PDE6C: variants seen among roughly 807,000 people sequenced by gnomAD.
The protein encoded by PDE6C is phosphodiesterase 6C, also known as cone cGMP-specific 3',5'-cyclic phosphodiesterase subunit alpha'.
In PDE6C, 75 loss-of-function variants were observed where a neutral mutation model predicts 113.1. The observed-to-expected ratio is 0.66, with a 90% CI of 0.55 to 0.80. PDE6C has a LOEUF of 0.80. PDE6C is among the 30% of genes least tolerant of loss of function. The pLI, the probability that PDE6C is intolerant of heterozygous loss-of-function variation, is 0.00. For synonymous variants in PDE6C, 375 were observed against 363.7 expected, an observed-to-expected ratio of 1.03 and a Z score of -0.35; for missense variants, 912 against 1,038.6, an observed-to-expected ratio of 0.88 and a Z score of 1.67.
In PDE6C at chr10:93,659,023, T is replaced by C. The variant is rs201956926; in HGVS notation, c.2144+15T>C. ...GAGATTATCATGTAGGTAGTTGAAA[T>C]TGTATTTCTCTCTTGTTTTTTGTAA... On this transcript the variant is annotated intron_variant, in intron 17 of 21. Coordinates refer to ENST00000371447, the MANE Select transcript of PDE6C (RefSeq NM_006204.4). 263 of 1,574,350 alleles carry C rather than the reference T, an allele frequency of 1.7e-4. 3 individuals carry two copies. In the East Asian group the frequency reaches 3.5e-3, roughly 21 times the overall value.
chr10:93,626,752 C>T lies in PDE6C; in HGVS notation c.1004+48C>T, dbSNP rs113419519. The T allele has an allele frequency of 1.7e-3, 2,754 of 1,602,612 alleles. 54 individuals are homozygous for T. In the African/African-American group the frequency reaches 0.033, roughly 19 times the overall value. The stretch of plus-strand genomic sequence containing the variant: ...TGCCGCAGTTGCCGTTGTATTTTTG[C>T]ACATATTGCATTTCTCTATATTGCA... On this transcript the variant is annotated intron_variant, in intron 6 of 21. Coordinates refer to ENST00000371447, the MANE Select transcript of PDE6C (RefSeq NM_006204.4).
At position 93,663,286 on chromosome 10, in the gene PDE6C, T is replaced by C. The variant is rs918294898; in HGVS notation, c.2518+108T>C. The C allele has an allele frequency of 3.5e-5, 39 of 1,100,122 alleles. No homozygotes were observed. The Admixed American group carries it at 7.7e-4, about 22-fold the overall frequency. The allele number at this position is 1,100,122 out of a possible 1,614,324, so 68.1% of individuals were successfully genotyped here. On this transcript the variant is annotated intron_variant, in intron 21 of 21. Coordinates refer to ENST00000371447, the MANE Select transcript of PDE6C (RefSeq NM_006204.4). Reference sequence around the variant, plus strand: ...GTCACCACAAACAGAAAACCTGCTTTACTGGTGCAGACTGATCATTTTAAC... The same window carrying C: ...GTCACCACAAACAGAAAACCTGCTTCACTGGTGCAGACTGATCATTTTAAC...
Position 93,662,599 on chromosome 10 carries a change from C to G in PDE6C, c.2323C>G (p.Leu775Val). The G allele has an allele frequency of 6.7e-7, 1 of 1,501,280 alleles. No individual in the cohort carries two copies. Among genetic ancestry groups the G allele is most frequent in the Non-Finnish European group, 9.3e-7 (1 of 1,078,954 alleles). The allele number at this position is 1,501,280 out of a possible 1,614,324, so 93.0% of individuals were successfully genotyped here. ...AAACAAAAGAGATGAATTACCTAAA[C>G]TTCAAGTTGGATTTATTGATTTTGT... is the stretch of plus-strand genomic sequence containing the variant. ...DRNKRDELPK[L>V]QVGFIDFVCT... The change falls in exon 20 of 22, where the codon CTT (leucine) becomes GTT (valine). Residue 775 changes from leucine (L) to valine (V), a missense_variant. Leu to Val is a conservative substitution (Grantham distance 32). Coordinates refer to ENST00000371447, the MANE Select transcript of PDE6C (RefSeq NM_006204.4).
chr10:93,644,780 G>GTGTATATA lies in PDE6C; in HGVS notation c.1848-1179_1848-1178insGTATATAT, dbSNP rs1554890746. On this transcript the variant is annotated intron_variant, in intron 14 of 21. Transcript: ENST00000371447. The stretch of plus-strand genomic sequence containing the variant: ...TTCAAATAAAGAAAATGTGGTGCGT[G>GTGTATATA]TATATATATATATATAGTATATATA... Among the ~76,000 whole-genome samples, 688 of 142,966 alleles carry GTGTATATA rather than the reference G, an allele frequency of 4.8e-3. 4 individuals are homozygous for GTGTATATA. The highest frequency in any genetic ancestry group is 7.3e-3 in the Non-Finnish European group (485 of 66,108). The allele number at this position is 142,966 out of a possible 152,430, so 93.8% of individuals were successfully genotyped here.
intron 8 of PDE6C, among the ~76,000 whole-genome samples, chr10:93,633,732 A>T (rs897079507): frequency 6.6e-6 from 1 of 152,222 alleles, no homozygotes; most frequent in African/African-American, 2.4e-5. Context: ...TCAGTCAGAA[A>T]AACAAAAACC....
intron 9 of PDE6C, among the ~76,000 whole-genome samples, chr10:93,635,199 C>T (rs1043298084): frequency 2.8e-4 from 42 of 152,158 alleles, no homozygotes; most frequent in African/African-American, 9.4e-4. Flanking sequence ...TGTTCCCTCT[C>T]ATTCTTATTC....
rs368349901 is a variant in PDE6C at position 93,622,009 on chromosome 10, G to A, written c.801G>A (p.Thr267=). 99 of 1,613,596 alleles carry A rather than the reference G, an allele frequency of 6.1e-5. No homozygotes were observed. Among genetic ancestry groups the A allele is most frequent in the Non-Finnish European group, 7.5e-5 (88 of 1,179,744 alleles). ...GACAGTTTCACAAAGCGCTCTACAC[G>A]GTTAGATCATATCTGAACTGTGAAC... is the stretch of plus-strand genomic sequence containing the variant. ...VERQFHKALY[T]VRSYLNCERY... Residue 267 remains threonine (T), a synonymous_variant, in exon 4 of 22, where the codon ACG becomes ACA. Coordinates refer to ENST00000371447, the MANE Select transcript of PDE6C (RefSeq NM_006204.4).
chr10:93,643,650 C>T (rs1175991177), intron 14 of PDE6C, among the ~76,000 whole-genome samples: 1 of 151,840 alleles, frequency 6.6e-6, no homozygotes, highest in Non-Finnish European at 1.5e-5. Flanking sequence ...CTCAGCCTCC[C>T]AAGGTGCTGG....
In PDE6C at chr10:93,645,674, G is replaced by A. The variant is rs145590064; in HGVS notation, c.1848-286G>A. 2.7e-4 allele frequency among the ~76,000 whole-genome samples: 41 copies of A among 152,124 alleles called. No homozygotes were observed. In the East Asian group the frequency reaches 7.3e-3, roughly 27 times the overall value. ...TATGTTTTATAAGTCATAGTCCACC[G>A]CCATAAGCCCCAGGGAACTTAAAGA... On this transcript the variant is annotated intron_variant, in intron 14 of 21. Transcript: ENST00000371447.
rs201727546 is a variant in PDE6C at position 93,640,586 on chromosome 10, A to G, written c.1737+29A>G. ...GGTACAGAGGGCTGTAAATCCTTGT[A>G]AACCTGCAGATTTCCCATTTGAGCA... is the stretch of plus-strand genomic sequence containing the variant. On this transcript the variant is annotated intron_variant, in intron 13 of 21. Transcript: ENST00000371447. 132 of 1,364,862 alleles carry G rather than the reference A, an allele frequency of 9.7e-5. No individual in the cohort carries two copies. The African/African-American group carries it at 1.7e-3, about 18-fold the overall frequency. The allele number at this position is 1,364,862 out of a possible 1,614,324, so 84.5% of individuals were successfully genotyped here.
intron 14 of PDE6C, among the ~76,000 whole-genome samples, chr10:93,644,919 G>A (rs948603411): frequency 2.1e-5 from 3 of 145,028 alleles, no homozygotes; most frequent in African/African-American, 7.6e-5. Flanking sequence ...ACACTATATC[G>A]ATATAGTATA....
At position 93,621,626 on chromosome 10, in the gene PDE6C, G is replaced by A. The variant is rs113829000; in HGVS notation, c.724-306G>A. The stretch of plus-strand genomic sequence containing the variant: ...GTGGGCCACCGATACTGGATTCTCC[G>A]TCCAGGGACCATCCCTGCATCCCAT... On this transcript the variant is annotated intron_variant, in intron 3 of 21. Coordinates refer to ENST00000371447, the MANE Select transcript of PDE6C (RefSeq NM_006204.4). 2.2e-4 allele frequency among the ~76,000 whole-genome samples: 34 copies of A among 152,252 alleles called. 1 individual carries two copies. The East Asian group carries it at 2.9e-3, about 13-fold the overall frequency.
intron 15 of PDE6C, 47 bp from the exon 16 acceptor site, chr10:93,655,713 A>G: frequency 1.1e-6 from 1 of 924,050 alleles, no homozygotes. Flanking sequence ...TCATTTGTTC[A>G]GAGGCAAATT....
rs564839966 is a variant in PDE6C, at chr10:93,665,477, C to T, written c.*59C>T. The T allele has an allele frequency of 2.0e-5, 22 of 1,126,466 alleles. No individual in the cohort carries two copies. The highest frequency in any genetic ancestry group is 7.4e-5 in the South Asian group (6 of 81,036). 69.8% of individuals were successfully genotyped at this position (1,126,466 alleles called of 1,614,324 possible). The stretch of plus-strand genomic sequence containing the variant: ...TTTACCTTTGAAGAAAACCAGAAAA[C>T]ATTCAAAAGAACTTCAACAAATCAT... On this transcript the variant is annotated 3_prime_UTR_variant, in exon 22 of 22. Coordinates refer to ENST00000371447, the MANE Select transcript of PDE6C (RefSeq NM_006204.4).
At chr10:93,626,737 G>T in intron 6 of PDE6C, 33 bp downstream of exon 6, 1 of 1,602,900 alleles carries the variant, frequency 6.2e-7, no homozygotes, top group Non-Finnish European at 8.5e-7. Context: ...TGCCGCAGTT[G>T]CCGTTGTATT....
intron 14 of PDE6C, among the ~76,000 whole-genome samples, chr10:93,641,719 C>T (rs188018302): frequency 2.6e-5 from 4 of 152,158 alleles, no homozygotes; most frequent in Admixed American, 2.6e-4. Context: ...TCCTATGGAG[C>T]ACTCCCCAGC....
chr10:93,651,460 GAGAA>G (rs1274854532), intron 15 of PDE6C, among the ~76,000 whole-genome samples: 1 of 152,196 alleles, frequency 6.6e-6, no homozygotes, highest in African/African-American at 2.4e-5. Flanking sequence ...AAGAGTGTGT[GAGAA>G]AGAGTGAGGA....
chr10:93,646,199 A>G, intron 15 of PDE6C, 152 bp downstream of exon 15: 3 of 617,792 alleles, frequency 4.9e-6, no homozygotes, highest in Admixed American at 5.0e-5. Context: ...GCTATATTGA[A>G]CTAGTTTTTG....
In PDE6C at chr10:93,620,898, C is replaced by T; in HGVS notation, c.641C>T (p.Ser214Phe). The change falls in exon 3 of 22, where the codon TCC becomes TTC. Residue 214 changes from serine (S) to phenylalanine (F), a missense_variant. Coordinates refer to ENST00000371447, the MANE Select transcript of PDE6C (RefSeq NM_006204.4). The stretch of plus-strand genomic sequence containing the variant: ...ATTCTCTGCCGTCTGTAGGTCTTTT[C>T]CAAATACCTCAACTTTGTGTCTATC... ...EFSKQDEEVF[S>F]KYLNFVSIIL... 1.2e-6 allele frequency: 2 copies of T among 1,613,552 alleles called. No individual in the cohort carries two copies. Among genetic ancestry groups the T allele is most frequent in the South Asian group, 2.2e-5 (2 of 91,052 alleles).
Sources: allele counts gnomAD v4.1 joint callset (sites outside exome capture counted in the v4.1 genomes callset), GRCh38; gene constraint gnomAD v4.1.1; transcripts MANE v1.5; gene names NCBI Gene and HGNC (gene_info 2026-07-23, HGNC 2026-07-21).